GNAL: variants seen among roughly 807,000 people sequenced by gnomAD.
GNAL encodes guanine nucleotide-binding protein G(olf) subunit alpha.
A neutral mutation model predicts 55.1 loss-of-function variants in GNAL; 18 were observed. The ratio of observed to expected loss-of-function variants is 0.33; its 90% CI spans 0.23 to 0.48. The LOEUF is 0.48. GNAL is among the 20% of genes least tolerant of loss of function. The pLI is 0.99. For synonymous variants in GNAL, 253 were observed against 237.0 expected (o/e 1.07, Z -0.62); for missense variants, 412 against 614.1 (o/e 0.67, Z 3.48).
At chr18:11,832,368 T>G (rs921185046) in intron 5 of GNAL, among the ~76,000 whole-genome samples, 5 of 152,180 alleles carry the variant, frequency 3.3e-5, no homozygotes, top group South Asian at 2.1e-4. Flanking sequence ...AAAAGTCAAG[T>G]GATTTTTCTG....
intron 11 of GNAL, among the ~76,000 whole-genome samples, chr18:11,880,137 A>G (rs143743482): frequency 0.018 from 2,756 of 149,784 alleles, 54 homozygotes; most frequent in Non-Finnish European, 0.029. Flanking sequence ...CACGCCTGTA[A>G]TCCCAGCTAC....
chr18:11,831,633 T>G (rs566473094), intron 5 of GNAL, among the ~76,000 whole-genome samples: 29 of 152,268 alleles, frequency 1.9e-4, no homozygotes, highest in Non-Finnish European at 3.7e-4. Flanking sequence ...TGTTCTTGCC[T>G]TCAGGCGTTT....
intron 4 of GNAL, among the ~76,000 whole-genome samples, chr18:11,765,806 C>A (rs971267290): frequency 6.6e-6 from 1 of 151,964 alleles, no homozygotes; most frequent in Non-Finnish European, 1.5e-5. Flanking sequence ...ATTATTATTT[C>A]TTGGATAGGA....
intron 1 of GNAL, among the ~76,000 whole-genome samples, chr18:11,722,901 C>T (rs866538561): frequency 2.0e-5 from 3 of 151,876 alleles, no homozygotes; most frequent in African/African-American, 4.8e-5. Flanking sequence ...ATCCCAGCTA[C>T]TCGAGAGGCT....
At chr18:11,762,369 A>G (rs1169705255) in intron 4 of GNAL, among the ~76,000 whole-genome samples, 1 of 152,212 alleles carries the variant, frequency 6.6e-6, no homozygotes, top group African/African-American at 2.4e-5. Context: ...TTGCTTCAGT[A>G]ATTATTCAGT....
chr18:11,781,946 T>C (rs537981926), intron 4 of GNAL, among the ~76,000 whole-genome samples: 23 of 152,262 alleles, frequency 1.5e-4, no homozygotes, highest in African/African-American at 5.5e-4. Context: ...AACAAGAAAC[T>C]GGAAACAACC....
chr18:11,798,654 T>G (rs1017472350), intron 4 of GNAL, among the ~76,000 whole-genome samples: 1 of 152,228 alleles, frequency 6.6e-6, no homozygotes, highest in East Asian at 1.9e-4. Context: ...TGCTGACATT[T>G]GTCATGTTCA....
chr18:11,750,590 G>A (rs547630160), intron 1 of GNAL, among the ~76,000 whole-genome samples: 165 of 152,280 alleles, frequency 1.1e-3, no homozygotes, highest in African/African-American at 3.9e-3. Flanking sequence ...CACAGAGACG[G>A]AAAGAAAATA....
intron 10 of GNAL, among the ~76,000 whole-genome samples, chr18:11,876,120 C>A (rs548146951): frequency 1.1e-4 from 17 of 152,230 alleles, no homozygotes; most frequent in African/African-American, 4.1e-4. Context: ...GACCATAGCA[C>A]CCCCAGAGAA....
Position 11,689,521 on chromosome 18 carries a change from C to A in GNAL, c.-43C>A. On this transcript the variant is annotated 5_prime_UTR_variant, in exon 1 of 12. Coordinates refer to ENST00000334049, the MANE Select transcript of GNAL (RefSeq NM_182978.4). ...GAACCAGGCCGCCCTCGGCGCCCAG[C>A]CTGCCCTAGTCCCGCGCGCCGCCCC... 9.8e-7 allele frequency: 1 copy of A among 1,021,578 alleles called. No individual in the cohort carries two copies. The highest frequency in any genetic ancestry group is 1.3e-6 in the Non-Finnish European group (1 of 797,184). 63.3% of individuals were successfully genotyped at this position (1,021,578 alleles called of 1,614,324 possible).
Position 11,868,765 on chromosome 18 carries a change from C to T in GNAL, c.1031+102C>T. The T allele has an allele frequency of 2.2e-6, 2 of 918,498 alleles. No homozygotes were observed. The highest frequency in any genetic ancestry group is 3.4e-5 in the South Asian group (2 of 58,490). The allele number at this position is 918,498 out of a possible 1,614,324, so 56.9% of individuals were successfully genotyped here. A position where few individuals can be genotyped will look rare whatever the true frequency, so the allele number is the denominator to read the frequency against. Reference sequence around the variant, plus strand: ...TTGTGGCTCACACCTGTAATCTCAACACTGGGAGGCCGAGGCAGGTGTGTC... The same window carrying T: ...TTGTGGCTCACACCTGTAATCTCAATACTGGGAGGCCGAGGCAGGTGTGTC... On this transcript the variant is annotated intron_variant, in intron 9 of 11. Transcript: ENST00000334049. The surrounding 1 kb of genome is among the most constrained non-coding windows in gnomAD (Gnocchi z 4.0).
intron 1 of GNAL, among the ~76,000 whole-genome samples, chr18:11,704,745 A>C (rs1567991992): frequency 6.6e-6 from 1 of 151,842 alleles, no homozygotes; most frequent in East Asian, 1.9e-4. Context: ...GTTCCTGTGA[A>C]ATTATTAATG....
intron 5 of GNAL, among the ~76,000 whole-genome samples, chr18:11,848,908 G>GCC (rs1223995457): frequency 6.6e-6 from 1 of 152,034 alleles, no homozygotes; most frequent in Non-Finnish European, 1.5e-5. Flanking sequence ...ATTCCCCATT[G>GCC]CCTTATTACT....
intron 1 of GNAL, among the ~76,000 whole-genome samples, chr18:11,715,545 G>A (rs2031943550): frequency 6.6e-6 from 1 of 152,044 alleles, no homozygotes. Flanking sequence ...TGGTCAGGAA[G>A]GCTTTGTTGA....
At position 11,851,638 on chromosome 18, in the gene GNAL, G is replaced by A. The variant is rs1567892135; in HGVS notation, c.723-10757G>A. 3 of 1,613,960 alleles carry A rather than the reference G, an allele frequency of 1.9e-6. No homozygotes were observed. The highest frequency in any genetic ancestry group is 2.2e-5 in the East Asian group (1 of 44,880). ...CAAAATTAAAAAGGCCATTCAGAAG[G>A]GCAACATGGAAGTTGCGAGGATACA... On this transcript the variant is annotated intron_variant, in intron 5 of 11. Transcript: ENST00000334049.
intron 4 of GNAL, among the ~76,000 whole-genome samples, chr18:11,812,012 C>T (rs1409328950): frequency 6.6e-6 from 1 of 152,176 alleles, no homozygotes; most frequent in Non-Finnish European, 1.5e-5. Context: ...GTCTCTTTGG[C>T]ATGCTGCAAG....
intron 1 of GNAL, among the ~76,000 whole-genome samples, chr18:11,714,081 C>T (rs1228283555): frequency 6.6e-6 from 1 of 152,210 alleles, no homozygotes; most frequent in African/African-American, 2.4e-5. Context: ...AACTGCATCA[C>T]AAAAGTCAGG....
Position 11,827,106 on chromosome 18 carries a change from C to T in GNAL, c.722+2091C>T, listed in dbSNP as rs1040411678. 2.0e-5 allele frequency among the ~76,000 whole-genome samples: 3 copies of T among 152,274 alleles called. No homozygotes were observed. In the South Asian group the frequency reaches 6.2e-4, roughly 32 times the overall value. Reference sequence around the variant, plus strand: ...GTCCTAGTAAGATTGTACTTAACCTCCTTCTTACCTTGTCCAAGGACAGGA... The same window carrying T: ...GTCCTAGTAAGATTGTACTTAACCTTCTTCTTACCTTGTCCAAGGACAGGA... On this transcript the variant is annotated intron_variant, in intron 5 of 11. Coordinates refer to ENST00000334049, the MANE Select transcript of GNAL (RefSeq NM_182978.4).
intron 1 of GNAL, 30 bp downstream of exon 1, chr18:11,689,969 C>T (rs1403183275): frequency 8.3e-7 from 1 of 1,204,652 alleles, no homozygotes; most frequent in Non-Finnish European, 1.0e-6. Flanking sequence ...TCGGCTGACG[C>T]CCCGGGGACA....
Sources: gnomAD v4.1 joint callset for allele counts (sites outside exome capture counted in the v4.1 genomes callset) on GRCh38, gnomAD v4.1.1 for gene constraint, Gnocchi (gnomAD v3.1) non-coding constraint, MANE v1.5 for transcripts, NCBI Gene and HGNC (gene_info 2026-07-23, HGNC 2026-07-21) for gene names.